Variants in RAP2A observed in about 807,000 individuals in gnomAD.
RAP2A encodes RAP2A, member of RAS oncogene family.
Under a neutral mutation model 15.1 loss-of-function variants are expected in RAP2A, and 5 were observed. That is an observed-to-expected ratio of 0.33 (90% confidence interval 0.17 to 0.70). RAP2A has a LOEUF of 0.70. Among genes scored for constraint, RAP2A ranks in the 30% least tolerant of loss-of-function variants. The probability of loss-of-function intolerance (pLI) is 0.68; values close to 1 mark genes in which losing one functional copy is unlikely to be tolerated. For synonymous variants in RAP2A, 110 were observed against 99.7 expected (o/e 1.10, Z -0.62); for missense variants, 111 against 240.3 (o/e 0.46, Z 3.56).
intron 1 of RAP2A, among the ~76,000 whole-genome samples, chr13:97,439,729 TG>T (rs1203701284): frequency 6.6e-6 from 1 of 152,070 alleles, no homozygotes; most frequent in African/African-American, 2.4e-5. Context: ...TGAATGGATA[TG>T]GCTAACAATA....
In RAP2A at chr13:97,467,139, A is replaced by G. The variant is rs2066775384; in HGVS notation, c.*2697A>G. The G allele has an allele frequency of 6.6e-6, 1 of 152,542 alleles. No individual in the cohort carries two copies. The highest frequency in any genetic ancestry group is 1.5e-5 in the Non-Finnish European group (1 of 68,030). 9.4% of individuals were successfully genotyped at this position (152,542 alleles called of 1,614,324 possible). ...CACTTTTTCTTTAGCTCTTGTGATAAGATTTTCTTTTTTTTACTTTTATAC... is the reference window on the plus strand; with the variant it reads ...CACTTTTTCTTTAGCTCTTGTGATAGGATTTTCTTTTTTTTACTTTTATAC... On this transcript the variant is annotated 3_prime_UTR_variant, in exon 2 of 2. Transcript: ENST00000245304.
At chr13:97,459,816 A>G (rs999600394) in intron 1 of RAP2A, among the ~76,000 whole-genome samples, 2 of 152,186 alleles carry the variant, frequency 1.3e-5, no homozygotes, top group African/African-American at 4.8e-5. Context: ...TTGACTTGTT[A>G]TGTTTATTGT....
intron 1 of RAP2A, among the ~76,000 whole-genome samples, chr13:97,440,695 G>A (rs1026264134): frequency 6.6e-6 from 1 of 152,086 alleles, no homozygotes; most frequent in Non-Finnish European, 1.5e-5. Context: ...CATATTTAAT[G>A]TGTACAACTC....
Position 97,469,117 on chromosome 13 carries a change from T to C in RAP2A, c.*4675T>C, listed in dbSNP as rs78754129. On this transcript the variant is annotated 3_prime_UTR_variant, in exon 2 of 2. Coordinates refer to ENST00000245304, the MANE Select transcript of RAP2A (RefSeq NM_021033.7). ...TATTATCTAGTATTTTTAATAAATA[T>C]TTTCATAAATAGTTTTTGTGGTTTT... The C allele has an allele frequency of 1.3e-5, 2 of 152,136 alleles. No individual in the cohort carries two copies. The highest frequency in any genetic ancestry group is 2.9e-5 in the Non-Finnish European group (2 of 68,032). The allele number at this position is 152,136 out of a possible 1,614,324, so 9.4% of individuals were successfully genotyped here.
chr13:97,435,465 C>CAA (rs35791914), intron 1 of RAP2A, among the ~76,000 whole-genome samples: 1,757 of 62,526 alleles, frequency 0.028, 25 homozygotes, highest in African/African-American at 0.048. Flanking sequence ...TAACCCCTTC[C>CAA]AAAAAAAAAA....
At chr13:97,445,896 T>C (rs986452865) in intron 1 of RAP2A, among the ~76,000 whole-genome samples, 1 of 152,188 alleles carries the variant, frequency 6.6e-6, no homozygotes, top group African/African-American at 2.4e-5. Context: ...AAATGTTTAT[T>C]CCTAAGGCCA....
intron 1 of RAP2A, among the ~76,000 whole-genome samples, chr13:97,436,897 TAGTA>T (rs1333860266): frequency 6.6e-6 from 1 of 152,300 alleles, no homozygotes; most frequent in East Asian, 1.9e-4. Flanking sequence ...AATATGGTAG[TAGTA>T]AGGTATTTTA....
chr13:97,450,996 A>G (rs1271438207), intron 1 of RAP2A, among the ~76,000 whole-genome samples: 2 of 152,118 alleles, frequency 1.3e-5, no homozygotes, highest in East Asian at 3.9e-4. Flanking sequence ...CAGTGTTAAT[A>G]TTCATTATGC....
rs1193625392 is a variant in RAP2A, at chr13:97,464,391, T to C, written c.501T>C (p.Ala167=). The C allele has an allele frequency of 1.2e-6, 2 of 1,614,120 alleles. No individual in the cohort carries two copies. The highest frequency in any genetic ancestry group is 1.7e-6 in the Non-Finnish European group (2 of 1,180,036). ...AAATTGTGAGGCAGATGAACTATGCTGCTCAGCCTGACAAAGATGACCCAT... is the reference window on the plus strand; with the variant it reads ...AAATTGTGAGGCAGATGAACTATGCCGCTCAGCCTGACAAAGATGACCCAT... ...FAEIVRQMNY[A]AQPDKDDPCC... is the part of the protein sequence containing the mutation. The change falls in exon 2 of 2, where the codon GCT becomes GCC. Residue 167 remains alanine, a synonymous_variant. Coordinates refer to ENST00000245304, the MANE Select transcript of RAP2A (RefSeq NM_021033.7).
At position 97,439,386 on chromosome 13, in the gene RAP2A, T is replaced by C. The variant is rs145111361; in HGVS notation, c.314+4602T>C. On this transcript the variant is annotated intron_variant, in intron 1 of 1. Coordinates refer to ENST00000245304, the MANE Select transcript of RAP2A (RefSeq NM_021033.7). Reference sequence around the variant, plus strand: ...TACGTGAAGTGTGAAAATCCTGAATTAGCATGGTGTCTGTAGTAACAGGAG... The same window carrying C: ...TACGTGAAGTGTGAAAATCCTGAATCAGCATGGTGTCTGTAGTAACAGGAG... Among the ~76,000 whole-genome samples, 11 of 152,316 alleles carry C rather than the reference T, an allele frequency of 7.2e-5. No homozygotes were observed. In the East Asian group the frequency reaches 1.7e-3, roughly 24 times the overall value.
intron 1 of RAP2A, among the ~76,000 whole-genome samples, chr13:97,459,236 C>T (rs918736978): frequency 6.6e-6 from 1 of 151,248 alleles, no homozygotes; most frequent in African/African-American, 2.4e-5. Context: ...GCATCTTTAG[C>T]TTTATGTCCA....
At chr13:97,457,802 A>C (rs2066729623) in intron 1 of RAP2A, among the ~76,000 whole-genome samples, 1 of 152,190 alleles carries the variant, frequency 6.6e-6, no homozygotes, top group South Asian at 2.1e-4. Flanking sequence ...AATTAAAAAA[A>C]TGTTTTTTTG....
intron 1 of RAP2A, among the ~76,000 whole-genome samples, chr13:97,440,206 C>T (rs191550021): frequency 3.1e-4 from 47 of 152,164 alleles, no homozygotes; most frequent in Non-Finnish European, 5.9e-4. Context: ...GCTGGACCTC[C>T]CAGGTACAGA....
chr13:97,442,348 C>T (rs141709164), intron 1 of RAP2A, among the ~76,000 whole-genome samples: 1 of 151,708 alleles, frequency 6.6e-6, no homozygotes, highest in African/African-American at 2.4e-5. Context: ...TTAAAACATA[C>T]CAAAATTTAT....
chr13:97,447,851 A>C (rs1013960975), intron 1 of RAP2A, among the ~76,000 whole-genome samples: 1 of 152,196 alleles, frequency 6.6e-6, no homozygotes, highest in Non-Finnish European at 1.5e-5. Flanking sequence ...AGCTGCATAT[A>C]AAACATTCAT....
rs145044164 is a variant in RAP2A, at chr13:97,444,167, G to C, written c.314+9383G>C. On this transcript the variant is annotated intron_variant, in intron 1 of 1. Coordinates refer to ENST00000245304, the MANE Select transcript of RAP2A (RefSeq NM_021033.7). ...TGTGTTTTAAGTGCTCTAACACTAC[G>C]TTATAGAACTTATAGCATAGACCTT... Among the ~76,000 whole-genome samples, 3 of 152,086 alleles carry C rather than the reference G, an allele frequency of 2.0e-5. No individual in the cohort carries two copies. In the East Asian group the frequency reaches 5.8e-4, roughly 29 times the overall value.
At chr13:97,463,663 C>T (rs11616843) in intron 1 of RAP2A, among the ~76,000 whole-genome samples, 79,321 of 151,994 alleles carry the variant, frequency 0.52, 24,273 homozygotes, top group Middle Eastern at 0.68. Context: ...GATCTCAGCT[C>T]ACTGCAACCT....
chr13:97,440,105 G>T (rs1044196347), intron 1 of RAP2A, among the ~76,000 whole-genome samples: 2 of 151,986 alleles, frequency 1.3e-5, no homozygotes, highest in African/African-American at 4.8e-5. Flanking sequence ...ATCAAAAGAT[G>T]TCTGTCCCAA....
intron 1 of RAP2A, among the ~76,000 whole-genome samples, chr13:97,460,949 A>G (rs1456739696): frequency 6.6e-6 from 1 of 151,338 alleles, no homozygotes; most frequent in Non-Finnish European, 1.5e-5. Flanking sequence ...GGAGTTCTTT[A>G]CCTCCTTTGA....
Sources: gnomAD v4.1 joint callset for allele counts (sites outside exome capture counted in the v4.1 genomes callset) on GRCh38, gnomAD v4.1.1 for gene constraint, MANE v1.5 for transcripts, NCBI Gene and HGNC (gene_info 2026-07-23, HGNC 2026-07-21) for gene names.